Variants in TCF20 observed in about 807,000 individuals in gnomAD.
TCF20 encodes the protein SPRE-binding protein.
A neutral mutation model predicts 148.6 loss-of-function variants in TCF20; 3 were observed. That is an observed-to-expected ratio of 0.02 (90% CI 0.01 to 0.05). TCF20 has a LOEUF of 0.05. TCF20 is among the 10% of genes least tolerant of loss of function. The pLI, the probability that TCF20 is intolerant of heterozygous loss-of-function variation, is 1.00. For synonymous variants in TCF20, 1,049 were observed against 909.5 expected, an observed-to-expected ratio of 1.15 and a Z score of -2.76; for missense variants, 2,350 against 2,429.3, an observed-to-expected ratio of 0.97 and a Z score of 0.69.
chr22:42,242,811 C>CA (rs2147317833), intron 1 of TCF20, among the ~76,000 whole-genome samples: 1 of 152,096 alleles, frequency 6.6e-6, no homozygotes, highest in East Asian at 1.9e-4. Context: ...CACTTGAACC[C>CA]AGGAGGCAGA....
intron 1 of TCF20, among the ~76,000 whole-genome samples, chr22:42,235,784 G>A (rs1224084222): frequency 2.0e-5 from 3 of 152,088 alleles, no homozygotes; most frequent in East Asian, 1.9e-4. Context: ...GCCACCACAC[G>A]GGAATGTCCC....
At chr22:42,170,626 C>CAAAAAAAAAAAAAAAAAAAAAAAAA (rs58579686) in intron 3 of TCF20, among the ~76,000 whole-genome samples, 2 of 72,104 alleles carry the variant, frequency 2.8e-5, no homozygotes, top group Admixed American at 1.6e-4. Flanking sequence ...GACTCCGTCT[C>CAAAAAAAAAAAAAAAAAAAAAAAAA]AAAAAAAAAA....
At position 42,169,883 on chromosome 22, in the gene TCF20, A is replaced by G; in HGVS notation, c.5763T>C (p.His1921=). Residue 1921 remains histidine, a synonymous_variant, in exon 4 of 6, where the codon CAT becomes CAC. Coordinates refer to ENST00000677622, the MANE Select transcript of TCF20 (RefSeq NM_001378418.1). ...GGCACCTCACCGAGAAGTTCTCCTC[A>G]TGTAGCAAACAATCTGGAAGACAGA... ...PCAIDADCLL[H]EENFSVRCPK... The G allele has an allele frequency of 1.2e-6, 2 of 1,613,574 alleles. No individual in the cohort carries two copies.
At chr22:42,246,595 C>T (rs1196695731) in intron 1 of TCF20, among the ~76,000 whole-genome samples, 1 of 152,140 alleles carries the variant, frequency 6.6e-6, no homozygotes, top group Non-Finnish European at 1.5e-5. Context: ...TTCAATGCAC[C>T]GTAGAGGATA....
rs61590468 is a variant in TCF20 at position 42,302,963 on chromosome 22, T to C, written c.-37+40516A>G. ...TTGTTTTTTTGAGACAGAGCCTCGCTCTGTTGCCCAGGCTGGAGTGCAGTG... is the reference window on the plus strand; with the variant it reads ...TTGTTTTTTTGAGACAGAGCCTCGCCCTGTTGCCCAGGCTGGAGTGCAGTG... On this transcript the variant is annotated intron_variant, in intron 1 of 1. Transcript: ENST00000515426. 1.2e-3 allele frequency among the ~76,000 whole-genome samples: 185 copies of C among 152,308 alleles called. 1 individual carries two copies. The highest frequency in any genetic ancestry group is 3.8e-3 in the African/African-American group (158 of 41,574).
At chr22:42,175,857 GAGTGC>G (rs1482206466) in intron 3 of TCF20, among the ~76,000 whole-genome samples, 1 of 152,132 alleles carries the variant, frequency 6.6e-6, no homozygotes, top group Non-Finnish European at 1.5e-5. Context: ...GCCCAGGCTG[GAGTGC>G]AGTGGCCCAA....
chr22:42,212,056 G>A lies in TCF20; in HGVS notation c.3250C>T (p.His1084Tyr), dbSNP rs769199469. The change falls in exon 2 of 6, where the codon CAT (histidine) becomes TAT (tyrosine). Residue 1084 changes from histidine (H) to tyrosine (Y), a missense_variant. Around this residue, in one of 7 missense-constraint regions of TCF20, gnomAD observed 1,641 missense variants for 1,662.6 expected, o/e 0.99. Transcript: ENST00000677622. ...TGTTGGTACATCTGTCTCTTATAATGCAGCTGAGAATTCAAACCTGCGTTA... is the reference window on the plus strand; with the variant it reads ...TGTTGGTACATCTGTCTCTTATAATACAGCTGAGAATTCAAACCTGCGTTA... The part of the protein sequence containing the change: ...DPNAGLNSQL[H>Y]YKRQMYQQQP... 11 of 1,614,012 alleles carry A rather than the reference G, an allele frequency of 6.8e-6. No homozygotes were observed.
intron 2 of TCF20, among the ~76,000 whole-genome samples, chr22:42,184,880 G>GTT (rs972532309): frequency 1.3e-5 from 2 of 152,218 alleles, no homozygotes; most frequent in African/African-American, 4.8e-5. Context: ...TTTGGGACAT[G>GTT]TTTTAACGGA....
intron 2 of TCF20, among the ~76,000 whole-genome samples, chr22:42,206,175 A>C (rs933931663): frequency 5.9e-5 from 9 of 152,196 alleles, no homozygotes; most frequent in Non-Finnish European, 2.9e-5. Context: ...AAGTTTACAC[A>C]AAAAAACTGG....
intron 1 of TCF20, among the ~76,000 whole-genome samples, chr22:42,289,789 G>A (rs907369443): frequency 6.6e-6 from 1 of 152,188 alleles, no homozygotes; most frequent in African/African-American, 2.4e-5. Context: ...CCTGCAGCCT[G>A]CCCCGGGCAC....
At chr22:42,312,186 C>G (rs1352796964) in intron 1 of TCF20, among the ~76,000 whole-genome samples, 2 of 152,190 alleles carry the variant, frequency 1.3e-5, no homozygotes, top group African/African-American at 4.8e-5. Context: ...AAGGTGCCAT[C>G]ATGGATGAGT....
intron 1 of TCF20, among the ~76,000 whole-genome samples, chr22:42,252,805 C>T (rs532651122): frequency 1.6e-4 from 25 of 152,072 alleles, no homozygotes; most frequent in Admixed American, 3.3e-4. Flanking sequence ...CATTTTTAAA[C>T]GTATATAATT....
rs190869552 is a variant in TCF20 at position 42,269,449 on chromosome 22, G to A, written c.-37+890C>T. On this transcript the variant is annotated intron_variant, in intron 1 of 5. Coordinates refer to ENST00000677622, the MANE Select transcript of TCF20 (RefSeq NM_001378418.1). ...TCCCACCCACAAGCAGAGGAAGACG[G>A]CCGCTCCTCGGCACCGCCCCCCAAC... 5.9e-3 allele frequency among the ~76,000 whole-genome samples: 902 copies of A among 152,246 alleles called. 7 individuals are homozygous for A. Among genetic ancestry groups the A allele is most frequent in the African/African-American group, 0.021 (880 of 41,552 alleles).
chr22:42,235,141 C>CAAA (rs34834610), intron 1 of TCF20, among the ~76,000 whole-genome samples: 2,050 of 109,132 alleles, frequency 0.019, 60 homozygotes, highest in African/African-American at 0.078. Flanking sequence ...GACTCTGTCT[C>CAAA]AAAAAAAAAA....
chr22:42,192,424 C>T (rs868023584), intron 2 of TCF20, among the ~76,000 whole-genome samples: 2 of 152,258 alleles, frequency 1.3e-5, no homozygotes, highest in Admixed American at 6.5e-5. Flanking sequence ...GGAGCCACTG[C>T]CATCTCACCA....
chr22:42,293,977 G>C (rs1409568011), intron 1 of TCF20, among the ~76,000 whole-genome samples: 1 of 152,222 alleles, frequency 6.6e-6, no homozygotes, highest in African/African-American at 2.4e-5. Context: ...TCCACCCTGG[G>C]CCACAAAGGG....
At chr22:42,249,605 A>C (rs917527320) in intron 1 of TCF20, among the ~76,000 whole-genome samples, 4 of 152,258 alleles carry the variant, frequency 2.6e-5, no homozygotes, top group Admixed American at 6.5e-5. Context: ...GCCAGGCAAT[A>C]ATCAGGCTTT....
At position 42,282,514 on chromosome 22, in the gene TCF20, C is replaced by T. The variant is rs1002625721; in HGVS notation, c.-37+1313G>A. Among the ~76,000 whole-genome samples, 7 of 152,360 alleles carry T rather than the reference C, an allele frequency of 4.6e-5. No homozygotes were observed. The East Asian group carries it at 7.7e-4, about 17-fold the overall frequency. ...AGGCCAGCCAGGCCAGCACTGTAGC[C>T]GGGGGAGCGCCCAGCCCTGGCCTTC... On this transcript the variant is annotated intron_variant, in intron 1 of 5. Transcript: ENST00000359486.
At chr22:42,206,386 C>A (rs2147182328) in intron 2 of TCF20, among the ~76,000 whole-genome samples, 1 of 152,118 alleles carries the variant, frequency 6.6e-6, no homozygotes, top group South Asian at 2.1e-4. Flanking sequence ...TGAAACCCCA[C>A]AACAAAGTGA....
Sources: gnomAD v4.1 joint callset for allele counts (sites outside exome capture counted in the v4.1 genomes callset) on GRCh38, gnomAD v4.1.1 for gene constraint, gnomAD v4.1.1 regional missense constraint, MANE v1.5 for transcripts, NCBI Gene and HGNC (gene_info 2026-07-23, HGNC 2026-07-21) for gene names.